Variants in ZAN observed in about 807,000 individuals in gnomAD.
ZAN encodes the protein zonadhesin.
Under a neutral mutation model 286.2 loss-of-function variants are expected in ZAN, and 260 were observed. The ratio of observed to expected loss-of-function variants is 0.91; its 90% CI spans 0.82 to 1.01. The LOEUF is 1.01. Among genes scored for constraint, ZAN ranks in the 50% least tolerant of loss-of-function variants. The pLI is 0.00. For missense variants in ZAN, 3,410 were observed against 3,639.2 expected, an observed-to-expected ratio of 0.94 and a Z score of 1.62; for synonymous variants, 1,368 against 1,417.5, an observed-to-expected ratio of 0.97 and a Z score of 0.79.
chr7:100,775,514 A>T lies in ZAN; in HGVS notation c.5966A>T (p.His1989Leu). 3.1e-6 allele frequency: 5 copies of T among 1,614,014 alleles called. No homozygotes were observed. The highest frequency in any genetic ancestry group is 4.2e-6 in the Non-Finnish European group (5 of 1,179,898). The change falls in exon 32 of 48, where the codon CAT (histidine) becomes CTT (leucine). Residue 1989 changes from histidine (H) to leucine (L), a missense_variant. Around this residue, in one of 7 missense-constraint regions of ZAN, gnomAD observed 1,289 missense variants for 1,314.3 expected, o/e 0.98. Coordinates refer to ENST00000613979, the MANE Select transcript of ZAN (RefSeq NM_003386.3). ...GGTGGAACTGAGGCTTTCCGCCTTC[A>T]TGAGGTCTACATTGACATCTACGAT... ...EEGGTEAFRL[H>L]EVYIDIYDAQ... is the part of the protein sequence containing the mutation.
At chr7:100,777,478 C>A (rs1269182235) in intron 34 of ZAN, among the ~76,000 whole-genome samples, 1 of 152,146 alleles carries the variant, frequency 6.6e-6, no homozygotes, top group Non-Finnish European at 1.5e-5. Context: ...CCTCAACCTC[C>A]CGAGTAGCTG....
chr7:100,791,131 G>C lies in ZAN; in HGVS notation c.7529+18G>C, dbSNP rs779635879. ...TTCCCCAGGTGCACGGCCTGGAAGG[G>C]ATGAGGCGGGGGAGGTGAACAACAA... On this transcript the variant is annotated intron_variant, in intron 40 of 47. Coordinates refer to ENST00000613979, the MANE Select transcript of ZAN (RefSeq NM_003386.3). The C allele has an allele frequency of 2.5e-6, 4 of 1,604,552 alleles. No individual in the cohort carries two copies. Among genetic ancestry groups the C allele is most frequent in the Non-Finnish European group, 3.4e-6 (4 of 1,177,772 alleles).
chr7:100,792,083 G>T lies in ZAN; in HGVS notation c.7647G>T (p.Val2549=). The part of the protein sequence containing the change: ...LASNSTQACR[V]LADPQGPFAA... The stretch of plus-strand genomic sequence containing the variant: ...GCAACAGCACCCAGGCCTGTAGGGT[G>T]CTGGCAGACCCCCAGGGCCCCTTTG... The change falls in exon 41 of 48, where the codon GTG becomes GTT. Residue 2549 remains valine, a synonymous_variant. Coordinates refer to ENST00000613979, the MANE Select transcript of ZAN (RefSeq NM_003386.3). The T allele has an allele frequency of 6.2e-7, 1 of 1,613,074 alleles. No individual in the cohort carries two copies. Among genetic ancestry groups the T allele is most frequent in the Non-Finnish European group, 8.5e-7 (1 of 1,179,774 alleles).
At chr7:100,766,492 C>A (rs1809979928) in intron 23 of ZAN, 33 bp from the exon 24 acceptor site, 1 of 1,531,014 alleles carries the variant, frequency 6.5e-7, no homozygotes, top group East Asian at 2.5e-5. Context: ...CAAAAAAAAA[C>A]ACTTTCTCTT....
intron 7 of ZAN, among the ~76,000 whole-genome samples, chr7:100,743,069 G>A (rs1329941407): frequency 7.1e-6 from 1 of 139,922 alleles, no homozygotes; most frequent in African/African-American, 2.6e-5. Context: ...CTGTTGCCAG[G>A]CTGGAGTGCA....
intron 7 of ZAN, among the ~76,000 whole-genome samples, chr7:100,745,737 T>A (rs938565388): frequency 2.8e-5 from 4 of 143,296 alleles, no homozygotes; most frequent in Non-Finnish European, 6.1e-5. Context: ...AAAAAAAAAA[T>A]TAGCTGGGCG....
chr7:100,794,607 C>T (rs942297478), intron 44 of ZAN, among the ~76,000 whole-genome samples: 1 of 151,766 alleles, frequency 6.6e-6, no homozygotes, highest in Non-Finnish European at 1.5e-5. Context: ...GTGAGGTGGG[C>T]GAATTGCTTT....
intron 8 of ZAN, 135 bp downstream of exon 8, chr7:100,746,837 A>G: frequency 8.7e-7 from 1 of 1,150,666 alleles, no homozygotes; most frequent in Non-Finnish European, 1.2e-6. Flanking sequence ...ATGAAGTGGA[A>G]ATCATGGCTG....
At position 100,779,458 on chromosome 7, in the gene ZAN, C is replaced by A; in HGVS notation, c.6330C>A (p.Leu2110=). 6.2e-7 allele frequency: 1 copy of A among 1,605,940 alleles called. No individual in the cohort carries two copies. Among genetic ancestry groups the A allele is most frequent in the Non-Finnish European group, 8.5e-7 (1 of 1,175,560 alleles). ...DKDIDPSCQS[L]LVDEQQIPAE... ...TTTCCCTTCCCAGTTGTCAGAGTCT[C>A]CTGGTAGATGAGCAGCAGATTCCAG... The change falls in exon 35 of 48, where the codon CTC becomes CTA. Residue 2110 remains leucine, a synonymous_variant. Coordinates refer to ENST00000613979, the MANE Select transcript of ZAN (RefSeq NM_003386.3).
At position 100,779,588 on chromosome 7, in the gene ZAN, G is replaced by T; in HGVS notation, c.6460G>T (p.Ala2154Ser). 6.2e-7 allele frequency: 1 copy of T among 1,609,340 alleles called. No homozygotes were observed. The highest frequency in any genetic ancestry group is 8.5e-7 in the Non-Finnish European group (1 of 1,177,990). The change falls in exon 35 of 48, where the codon GCC (alanine) becomes TCC (serine). Residue 2154 changes from alanine (A) to serine (S), a missense_variant. This residue lies in a region of ZAN where 1,289 missense variants were observed against 1,314.3 expected (regional missense o/e 0.98). Coordinates refer to ENST00000613979, the MANE Select transcript of ZAN (RefSeq NM_003386.3). The part of the protein sequence containing the change: ...ALRAPVWAQC[A>S]SRIDLTPFLV... ...CCGGGCTCCTGTGTGGGCCCAGTGC[G>T]CCTCCCGCATAGACCTCACGCCCTT...
At chr7:100,751,027 A>C in intron 12 of ZAN, 131 bp downstream of exon 12, 1 of 1,415,316 alleles carries the variant, frequency 7.1e-7, no homozygotes, top group Non-Finnish European at 9.4e-7. Flanking sequence ...TTCGTGTTAC[A>C]GAAAGTGAGA....
chr7:100,772,757 C>G (rs1310281349), intron 29 of ZAN, among the ~76,000 whole-genome samples: 2 of 149,408 alleles, frequency 1.3e-5, no homozygotes, highest in Non-Finnish European at 3.0e-5. Flanking sequence ...GGAGGTGGAG[C>G]TTGCAGTGAC....
intron 11 of ZAN, among the ~76,000 whole-genome samples, chr7:100,749,451 T>C (rs532479192): frequency 1.3e-3 from 197 of 149,872 alleles, no homozygotes; most frequent in Middle Eastern, 7.2e-3. Flanking sequence ...CCATCCTGGC[T>C]AACACGGTGA....
chr7:100,769,869 C>G lies in ZAN; in HGVS notation c.5154-11C>G, dbSNP rs150679720. 2.8e-4 allele frequency: 435 copies of G among 1,552,398 alleles called. 4 individuals are homozygous for G. The African/African-American group carries it at 5.2e-3, about 19-fold the overall frequency. On this transcript the variant is annotated splice_polypyrimidine_tract_variant and intron_variant, in intron 27 of 47. Coordinates refer to ENST00000613979, the MANE Select transcript of ZAN (RefSeq NM_003386.3). ...ACCTGTAGCCCTCAGTTTCTATTCT[C>G]TCTCATTTAGCTGTTTCCTTGTGGG...
chr7:100,779,664 C>T lies in ZAN; in HGVS notation c.6536C>T (p.Ala2179Val), dbSNP rs1365648788. The change falls in exon 35 of 48, where the codon GCC becomes GTC. Residue 2179 changes from alanine to valine, a missense_variant. Ala to Val is a moderately conservative substitution (Grantham distance 64). This residue lies in a region of ZAN where 1,289 missense variants were observed against 1,314.3 expected (regional missense o/e 0.98). Transcript: ENST00000613979. ...TLCEFGGLYQ[A>V]LCQALQAFGA... is the part of the protein sequence containing the mutation. ...TGTGAGTTCGGAGGTCTCTACCAGGCCCTCTGCCAGGCTCTGCAAGCCTTC... is the reference window on the plus strand; with the variant it reads ...TGTGAGTTCGGAGGTCTCTACCAGGTCCTCTGCCAGGCTCTGCAAGCCTTC... 15 of 1,575,634 alleles carry T rather than the reference C, an allele frequency of 9.5e-6. No homozygotes were observed. Among genetic ancestry groups the T allele is most frequent in the Non-Finnish European group, 1.2e-5 (14 of 1,160,760 alleles).
chr7:100,771,396 C>G (rs984770185), intron 28 of ZAN, among the ~76,000 whole-genome samples: 3 of 151,582 alleles, frequency 2.0e-5, no homozygotes, highest in Non-Finnish European at 2.9e-5. Flanking sequence ...CACAGTTTCA[C>G]TGTATTGCTC....
In ZAN at chr7:100,777,416, G is replaced by A. The variant is rs956259996; in HGVS notation, c.6317+852G>A. On this transcript the variant is annotated intron_variant, in intron 34 of 47. Transcript: ENST00000613979. ...GTCACCCAGGCTGGAGTGCAGTGGC[G>A]CAATCTTGGCTCACTGCAACCTCTG... Among the ~76,000 whole-genome samples the A allele has an allele frequency of 6.6e-5, 10 of 151,478 alleles. No individual in the cohort carries two copies. In the East Asian group the frequency reaches 1.4e-3, roughly 21 times the overall value.
Position 100,794,153 on chromosome 7 carries a change from C to T in ZAN, c.8020C>T (p.Gln2674Ter), listed in dbSNP as rs1812189930. 10 of 1,614,032 alleles carry T rather than the reference C, an allele frequency of 6.2e-6. No individual in the cohort carries two copies. The highest frequency in any genetic ancestry group is 8.5e-6 in the Non-Finnish European group (10 of 1,179,896). The change falls in exon 44 of 48, where the codon CAG becomes TAG. Residue 2674 changes from glutamine to a stop codon, truncating the protein, a stop_gained. Coordinates refer to ENST00000613979, the MANE Select transcript of ZAN (RefSeq NM_003386.3). LOFTEE classifies it high-confidence loss of function. Reference protein sequence around the residue: ...GSSFLTEDCSQRCTCASSRIL... With the variant: ...GSSFLTEDCS ...CAGCTTTCTGACTGAGGACTGCTCT[C>T]AGCGGTGCACCTGTGCCAGCTCACG...
At chr7:100,797,342 A>C in intron 45 of ZAN, 24 bp from the exon 46 acceptor site, 1 of 1,611,728 alleles carries the variant, frequency 6.2e-7, no homozygotes, top group Non-Finnish European at 8.5e-7. Flanking sequence ...GTTCGACCTA[A>C]TGTCTCTTCC....
Sources: gnomAD v4.1 joint callset for allele counts (sites outside exome capture counted in the v4.1 genomes callset) on GRCh38, gnomAD v4.1.1 for gene constraint, gnomAD v4.1.1 regional missense constraint, MANE v1.5 for transcripts, NCBI Gene and HGNC (gene_info 2026-07-23, HGNC 2026-07-21) for gene names.